The following CPQ variants were observed in gnomAD, a reference collection of about 807,000 sequenced individuals.
CPQ encodes the protein carboxypeptidase Q, also known as Ser-Met dipeptidase.
Under a neutral mutation model 45.7 loss-of-function variants are expected in CPQ, and 37 were observed. The ratio of observed to expected loss-of-function variants is 0.81; its 90% confidence interval spans 0.62 to 1.07. The LOEUF (loss-of-function observed/expected upper bound fraction) is 1.07. CPQ is among the 50% of genes least tolerant of loss of function. The pLI, the probability that CPQ is intolerant of heterozygous loss-of-function variation, is 0.00. For synonymous variants in CPQ, 186 were observed against 205.8 expected (o/e 0.90, Z 0.82); for missense variants, 537 against 572.9 (o/e 0.94, Z 0.64).
intron 3 of CPQ, among the ~76,000 whole-genome samples, chr8:96,858,787 T>A (rs1322927378): frequency 1.3e-5 from 2 of 152,220 alleles, no homozygotes; most frequent in African/African-American, 4.8e-5. Flanking sequence ...ATGTTTTCCT[T>A]GACTACCCAC....
At chr8:96,742,070 T>C (rs1246972496) in intron 1 of CPQ, among the ~76,000 whole-genome samples, 18 of 143,600 alleles carry the variant, frequency 1.3e-4, no homozygotes, top group Non-Finnish European at 2.4e-4. Context: ...ATGTTGACAG[T>C]GGGGTGTTAA....
intron 7 of CPQ, among the ~76,000 whole-genome samples, chr8:97,102,729 C>A (rs1460672866): frequency 1.3e-5 from 2 of 152,190 alleles, no homozygotes; most frequent in Non-Finnish European, 2.9e-5. Context: ...GCACTACACC[C>A]AGACTTTGCA....
chr8:96,999,467 A>G (rs577123392), intron 5 of CPQ, among the ~76,000 whole-genome samples: 1 of 151,938 alleles, frequency 6.6e-6, no homozygotes, highest in African/African-American at 2.4e-5. Context: ...TTTAGCTCCC[A>G]CTTATAAGTG....
At chr8:97,040,139 C>A (rs1162717261) in intron 6 of CPQ, among the ~76,000 whole-genome samples, 5 of 149,242 alleles carry the variant, frequency 3.4e-5, no homozygotes, top group Non-Finnish European at 6.0e-5. Flanking sequence ...TCCTCTCCAG[C>A]ACCTGTTGTT....
chr8:97,109,994 A>C (rs1811473821), intron 7 of CPQ, among the ~76,000 whole-genome samples: 1 of 152,042 alleles, frequency 6.6e-6, no homozygotes, highest in Admixed American at 6.6e-5. Flanking sequence ...TTCTATTTTT[A>C]CTGAGATACA....
At position 96,692,208 on chromosome 8, in the gene CPQ, C is replaced by G. The variant is rs537392462; in HGVS notation, c.-35+46806C>G. Among the ~76,000 whole-genome samples, 4 of 152,252 alleles carry G rather than the reference C, an allele frequency of 2.6e-5. No individual in the cohort carries two copies. The South Asian group carries it at 8.3e-4, about 32-fold the overall frequency. On this transcript the variant is annotated intron_variant, in intron 1 of 7. Transcript: ENST00000220763. Reference sequence around the variant, plus strand: ...AAGCTTGAGACACCAAGTGAGTGGTCTGATCCTGCTGAATTACAGTAGGCT... The same window carrying G: ...AAGCTTGAGACACCAAGTGAGTGGTGTGATCCTGCTGAATTACAGTAGGCT...
intron 1 of CPQ, among the ~76,000 whole-genome samples, chr8:96,764,698 C>T (rs1183015501): frequency 6.6e-6 from 1 of 152,104 alleles, no homozygotes; most frequent in Non-Finnish European, 1.5e-5. Flanking sequence ...TAAAATTTCC[C>T]CTATCCCAAT....
At chr8:97,061,003 T>C (rs1311195505) in intron 6 of CPQ, among the ~76,000 whole-genome samples, 1 of 152,148 alleles carries the variant, frequency 6.6e-6, no homozygotes, top group Non-Finnish European at 1.5e-5. Flanking sequence ...TCATGGACGG[T>C]GGGTAGTTTG....
At chr8:96,837,780 A>G (rs1011276099) in intron 3 of CPQ, among the ~76,000 whole-genome samples, 1 of 152,002 alleles carries the variant, frequency 6.6e-6, no homozygotes, top group Non-Finnish European at 1.5e-5. Context: ...ATTTTTTTCA[A>G]AATTGACCTC....
chr8:96,687,378 A>G (rs1047792332), intron 1 of CPQ, among the ~76,000 whole-genome samples: 1 of 151,826 alleles, frequency 6.6e-6, no homozygotes, highest in African/African-American at 2.4e-5. Flanking sequence ...ACTCCTGGCT[A>G]ATTTTTGTAT....
chr8:96,773,533 A>G (rs900037355), intron 1 of CPQ, among the ~76,000 whole-genome samples: 2 of 152,188 alleles, frequency 1.3e-5, no homozygotes, highest in African/African-American at 4.8e-5. Flanking sequence ...CAGTATAAAG[A>G]AAGTCTATAA....
At chr8:96,804,527 A>G (rs538707642) in intron 2 of CPQ, among the ~76,000 whole-genome samples, 1 of 152,114 alleles carries the variant, frequency 6.6e-6, no homozygotes, top group South Asian at 2.1e-4. Context: ...TTTTTATTTG[A>G]TACAAGAATT....
chr8:96,868,997 TATC>T (rs1378738237), intron 3 of CPQ, among the ~76,000 whole-genome samples: 2 of 152,028 alleles, frequency 1.3e-5, no homozygotes, highest in African/African-American at 4.8e-5. Context: ...TAATCAGTAT[TATC>T]ATATAAATAA....
chr8:96,931,349 T>G (rs986067842), intron 4 of CPQ, among the ~76,000 whole-genome samples: 1 of 152,204 alleles, frequency 6.6e-6, no homozygotes, highest in South Asian at 2.1e-4. Flanking sequence ...TGGCAAAAAA[T>G]GAAGTTTTGG....
At chr8:97,076,308 G>A (rs1810846209) in intron 7 of CPQ, among the ~76,000 whole-genome samples, 2 of 152,188 alleles carry the variant, frequency 1.3e-5, no homozygotes, top group African/African-American at 2.4e-5. Flanking sequence ...ACAGTCATGA[G>A]CCACTGAGCC....
chr8:96,973,721 C>G (rs1285068946), intron 5 of CPQ, among the ~76,000 whole-genome samples: 1 of 152,130 alleles, frequency 6.6e-6, no homozygotes, highest in Non-Finnish European at 1.5e-5. Context: ...TCTTTTTAGC[C>G]TCCTTAAACA....
chr8:96,860,313 C>T (rs1384663054), intron 3 of CPQ, among the ~76,000 whole-genome samples: 5 of 152,152 alleles, frequency 3.3e-5, no homozygotes, highest in Non-Finnish European at 7.4e-5. Flanking sequence ...CTAATAATAG[C>T]ATATTTTCAA....
chr8:96,771,464 T>G (rs1810542789), intron 1 of CPQ, among the ~76,000 whole-genome samples: 2 of 152,108 alleles, frequency 1.3e-5, no homozygotes, highest in Non-Finnish European at 2.9e-5. Context: ...CAAAGGCTCA[T>G]GTCTGGTCTC....
chr8:96,914,158 C>A (rs1458383259), intron 4 of CPQ, among the ~76,000 whole-genome samples: 1 of 152,124 alleles, frequency 6.6e-6, no homozygotes, highest in Non-Finnish European at 1.5e-5. Flanking sequence ...GACAACTTCA[C>A]CTGTCTTTGC....
Sources: gnomAD v4.1 joint callset for allele counts (sites outside exome capture counted in the v4.1 genomes callset) on GRCh38, gnomAD v4.1.1 for gene constraint, MANE v1.5 for transcripts, NCBI Gene and HGNC (gene_info 2026-07-23, HGNC 2026-07-21) for gene names.